The following GSAP variants were observed in gnomAD, a reference collection of about 807,000 sequenced individuals.
The protein encoded by GSAP is gamma-secretase activating protein.
GSAP carries 118 observed loss-of-function variants against 131.7 expected under a neutral mutation model. The ratio of observed to expected loss-of-function variants is 0.90; its 90% CI spans 0.77 to 1.04. GSAP has a LOEUF of 1.04. GSAP is among the 50% of genes least tolerant of loss of function. The probability of loss-of-function intolerance (pLI) is 0.00; values close to 1 mark genes in which losing one functional copy is unlikely to be tolerated. For synonymous variants in GSAP, 381 were observed against 363.4 expected (o/e 1.05, Z -0.55); for missense variants, 1,019 against 1,013.2 (o/e 1.01, Z -0.08).
At chr7:77,350,303 T>TAGG (rs1792639505) in intron 18 of GSAP, among the ~76,000 whole-genome samples, 1 of 141,464 alleles carries the variant, frequency 7.1e-6, no homozygotes, top group Admixed American at 7.0e-5. Context: ...GGGATAGCAT[T>TAGG]AGGAGATATA....
chr7:77,414,339 T>C (rs1803882431), intron 1 of GSAP, among the ~76,000 whole-genome samples: 2 of 152,252 alleles, frequency 1.3e-5, no homozygotes, highest in African/African-American at 4.8e-5. Flanking sequence ...GAATCCCAGA[T>C]TTCCCTGCCA....
In GSAP at chr7:77,353,959, G is replaced by A. The variant is rs895569204; in HGVS notation, c.1339-318C>T. Among the ~76,000 whole-genome samples the A allele has an allele frequency of 2.0e-5, 3 of 152,206 alleles. No individual in the cohort carries two copies. In the East Asian group the frequency reaches 5.8e-4, roughly 29 times the overall value. ...AAAGCACCAGTGGAAAGAGCCGTGG[G>A]ATACAGGAAAAAAAGAAAAACAAAA... On this transcript the variant is annotated intron_variant, in intron 16 of 30. Transcript: ENST00000257626.
At chr7:77,372,738 T>A (rs1796319134) in intron 12 of GSAP, among the ~76,000 whole-genome samples, 1 of 152,232 alleles carries the variant, frequency 6.6e-6, no homozygotes, top group Non-Finnish European at 1.5e-5. Flanking sequence ...AATTGTATAG[T>A]AACAAAAAAT....
chr7:77,333,148 A>G (rs1275919092), intron 19 of GSAP, among the ~76,000 whole-genome samples: 4 of 152,204 alleles, frequency 2.6e-5, no homozygotes, highest in Non-Finnish European at 5.9e-5. Context: ...GCGTGGCGAC[A>G]GTGCGAGACT....
chr7:77,391,641 T>C (rs932795980), intron 5 of GSAP, among the ~76,000 whole-genome samples: 5 of 151,022 alleles, frequency 3.3e-5, no homozygotes, highest in South Asian at 2.1e-4. Flanking sequence ...CTGGGCAACA[T>C]AGTGAAACCC....
intron 2 of GSAP, 75 bp from the exon 3 acceptor site, chr7:77,404,690 C>T (rs1032691168): frequency 4.9e-6 from 4 of 810,816 alleles, no homozygotes; most frequent in Middle Eastern, 2.2e-4. Context: ...TTAAAACCAA[C>T]CTGCAATAAC....
chr7:77,376,952 AG>A, intron 9 of GSAP, 45 bp from the exon 10 acceptor site: 1 of 1,080,956 alleles, frequency 9.3e-7, no homozygotes, highest in South Asian at 1.4e-5. Context: ...CAGGAAAAAA[AG>A]AAAAGGAAGC....
rs778082530 is a variant in GSAP, at chr7:77,314,399, G to A, written c.2180C>T (p.Thr727Ile). ...CATGAGCCTTATGACAGCTGTTTCA[G>A]TGAGAAGCAACACTCCACTGTCAAT... ...HCIDSGVLLL[T>I]ETAVIRLMKD... is the part of the protein sequence containing the mutation. The change falls in exon 27 of 31, where the codon ACT becomes ATT. Residue 727 changes from threonine (T) to isoleucine (I), a missense_variant. Coordinates refer to ENST00000257626, the MANE Select transcript of GSAP (RefSeq NM_017439.4). 4 of 1,613,682 alleles carry A rather than the reference G, an allele frequency of 2.5e-6. No individual in the cohort carries two copies. Among genetic ancestry groups the A allele is most frequent in the Admixed American group, 1.7e-5 (1 of 59,992 alleles).
At chr7:77,380,291 A>G (rs1318717783) in intron 8 of GSAP, among the ~76,000 whole-genome samples, 1 of 152,186 alleles carries the variant, frequency 6.6e-6, no homozygotes, top group Non-Finnish European at 1.5e-5. Flanking sequence ...GTACTCTTAC[A>G]TTTTGCTTCT....
chr7:77,325,946 C>T (rs1788278050), intron 23 of GSAP, among the ~76,000 whole-genome samples: 1 of 152,178 alleles, frequency 6.6e-6, no homozygotes, highest in African/African-American at 2.4e-5. Flanking sequence ...GCACTCTCAA[C>T]ACTATACACT....
intron 6 of GSAP, among the ~76,000 whole-genome samples, chr7:77,386,493 GTA>G (rs1798585797): frequency 1.3e-5 from 2 of 152,286 alleles, no homozygotes; most frequent in South Asian, 4.1e-4. Flanking sequence ...CAACAGATCA[GTA>G]TATAATTTTG....
intron 19 of GSAP, among the ~76,000 whole-genome samples, chr7:77,334,294 G>A (rs1017466740): frequency 1.3e-5 from 2 of 151,996 alleles, no homozygotes; most frequent in African/African-American, 4.8e-5. Flanking sequence ...GGAGCTGGGA[G>A]CCATTATCCT....
chr7:77,343,973 C>G (rs1293697988), intron 19 of GSAP, among the ~76,000 whole-genome samples: 1 of 152,178 alleles, frequency 6.6e-6, no homozygotes, highest in East Asian at 1.9e-4. Context: ...CCCTACACAT[C>G]AAGCTTGAGG....
At position 77,311,829 on chromosome 7, in the gene GSAP, G is replaced by GT. The variant is rs1256061721; in HGVS notation, c.2473+11_2473+12insA. Reference sequence around the variant, plus strand: ...AAAGTGGTAAGACCCTGAGAACAGGGGAGTAAATTACCTTGATTGGAGGAC... The same window carrying GT: ...AAAGTGGTAAGACCCTGAGAACAGGGTGAGTAAATTACCTTGATTGGAGGAC... On this transcript the variant is annotated intron_variant, in intron 30 of 30. Transcript: ENST00000257626. 8.1e-7 allele frequency: 1 copy of GT among 1,240,588 alleles called. No individual in the cohort carries two copies. Among genetic ancestry groups the GT allele is most frequent in the Non-Finnish European group, 1.2e-6 (1 of 839,022 alleles). 76.8% of individuals were successfully genotyped at this position (1,240,588 alleles called of 1,614,324 possible).
chr7:77,321,857 G>A (rs1181037186), intron 24 of GSAP, among the ~76,000 whole-genome samples: 1 of 152,154 alleles, frequency 6.6e-6, no homozygotes, highest in Non-Finnish European at 1.5e-5. Context: ...TACTAGTTGT[G>A]TTACCCTACA....
rs960991376 is a variant in GSAP, at chr7:77,357,641, C to G, written c.1028-1994G>C. Among the ~76,000 whole-genome samples the G allele has an allele frequency of 4.6e-5, 7 of 152,200 alleles. No individual in the cohort carries two copies. The East Asian group carries it at 1.2e-3, about 25-fold the overall frequency. ...AGCTGATAGCTAAAAAAATTAAAAC[C>G]TCAAAAAAATAATGTTTTAAGAAGG... On this transcript the variant is annotated intron_variant, in intron 14 of 30. Coordinates refer to ENST00000257626, the MANE Select transcript of GSAP (RefSeq NM_017439.4).
intron 19 of GSAP, chr7:77,330,713 T>G: frequency 1.0e-6 from 1 of 991,548 alleles, no homozygotes; most frequent in Non-Finnish European, 1.2e-6. Flanking sequence ...ATTTCCTCCC[T>G]TGAGACCCGT....
At chr7:77,397,667 T>A (rs1169183274) in intron 3 of GSAP, among the ~76,000 whole-genome samples, 1 of 152,176 alleles carries the variant, frequency 6.6e-6, no homozygotes, top group Non-Finnish European at 1.5e-5. Flanking sequence ...AGCATAGACA[T>A]TGGAGCCCAG....
chr7:77,322,639 AAC>A, intron 24 of GSAP, among the ~76,000 whole-genome samples: 1 of 149,416 alleles, frequency 6.7e-6, no homozygotes, highest in South Asian at 2.1e-4. Flanking sequence ...GAGGATCAGT[AAC>A]ACATTCATCA....
Sources: gnomAD v4.1 joint callset for allele counts (sites outside exome capture counted in the v4.1 genomes callset) on GRCh38, gnomAD v4.1.1 for gene constraint, MANE v1.5 for transcripts, NCBI Gene and HGNC (gene_info 2026-07-23, HGNC 2026-07-21) for gene names.